Variants in RAP1B observed in about 807,000 individuals in gnomAD.
RAP1B encodes the protein ras-related protein Rap-1b.
In RAP1B, 1 loss-of-function variant was observed where a neutral mutation model predicts 27.5. The observed-to-expected ratio is 0.04, with a 90% CI of 0.01 to 0.17. RAP1B has a LOEUF of 0.17. Among genes scored for constraint, RAP1B ranks in the 10% least tolerant of loss-of-function variants. RAP1B has a pLI of 1.00. For synonymous variants in RAP1B, 75 were observed against 73.1 expected (o/e 1.03, Z -0.13); for missense variants, 84 against 214.8 (o/e 0.39, Z 3.81).
At position 68,660,403 on chromosome 12, in the gene RAP1B, C is replaced by A. The variant is rs922003425; in HGVS notation, c.*1154C>A. 4 of 151,958 alleles carry A rather than the reference C, an allele frequency of 2.6e-5. No homozygotes were observed. Among genetic ancestry groups the A allele is most frequent in the East Asian group, 1.9e-4 (1 of 5,172 alleles). The allele number at this position is 151,958 out of a possible 1,614,324, so 9.4% of individuals were successfully genotyped here. A position where few individuals can be genotyped will look rare whatever the true frequency, so the allele number is the denominator to read the frequency against. On this transcript the variant is annotated 3_prime_UTR_variant, in exon 8 of 8. Transcript: ENST00000250559. ...ATTTAAATTGACCAACCTAATGTTA[C>A]AACTACTTTGAGGTGGCCAAATGTA... is the stretch of plus-strand genomic sequence containing the variant.
In RAP1B at chr12:68,671,357, TGAAAG is replaced by T. The variant is rs1454223598; in HGVS notation, c.*12113_*12117del. ...ACTACTGATATCTACACCAAGGAAA[TGAAAG>T]GAAATGCACAAGATTATTTATTGCC... On this transcript the variant is annotated 3_prime_UTR_variant, in exon 8 of 8. Transcript: ENST00000250559. The T allele has an allele frequency of 6.6e-6, 1 of 151,958 alleles. No individual in the cohort carries two copies. The highest frequency in any genetic ancestry group is 1.5e-5 in the Non-Finnish European group (1 of 67,992). 9.4% of individuals were successfully genotyped at this position (151,958 alleles called of 1,614,324 possible).
intron 1 of RAP1B, among the ~76,000 whole-genome samples, chr12:68,617,774 AT>A (rs557536333): frequency 9.1e-4 from 134 of 147,790 alleles, no homozygotes; most frequent in South Asian, 3.0e-3. Context: ...GTAATGTACT[AT>A]TTTTTTTTTT....
chr12:68,638,721 C>T (rs1392510836), intron 1 of RAP1B, among the ~76,000 whole-genome samples: 2 of 151,940 alleles, frequency 1.3e-5, no homozygotes, highest in Non-Finnish European at 1.5e-5. Context: ...AGTGCAGTGG[C>T]GCAATCTTGG....
In RAP1B at chr12:68,617,305, A is replaced by G. The variant is rs528993099; in HGVS notation, c.-27+6262A>G. The stretch of plus-strand genomic sequence containing the variant: ...AGTTGCAGTTAGAATGTGGAATCCT[A>G]TTACTACATTGTGCCAACATATTTG... On this transcript the variant is annotated intron_variant, in intron 1 of 7. Coordinates refer to ENST00000250559, the MANE Select transcript of RAP1B (RefSeq NM_001010942.3). 1.9e-3 allele frequency among the ~76,000 whole-genome samples: 282 copies of G among 152,300 alleles called. 1 individual carries two copies. Among genetic ancestry groups the G allele is most frequent in the African/African-American group, 6.4e-3 (265 of 41,560 alleles).
At chr12:68,650,376 A>G (rs944195707) in intron 2 of RAP1B, 24 bp from the exon 3 acceptor site, 4 of 1,517,946 alleles carry the variant, frequency 2.6e-6, no homozygotes, top group Non-Finnish European at 3.6e-6. Context: ...TAGAAGTATA[A>G]TGGTTTCTTA....
chr12:68,621,479 GAATT>G (rs780040414), intron 1 of RAP1B: 2 of 152,092 alleles, frequency 1.3e-5, no homozygotes, highest in Non-Finnish European at 2.9e-5. Flanking sequence ...CAGCAAAAAA[GAATT>G]AAGACTAGGT....
rs998953266 is a variant in RAP1B, at chr12:68,670,330, T to C, written c.*11081T>C. 1.3e-5 allele frequency: 2 copies of C among 152,148 alleles called. No homozygotes were observed. Among genetic ancestry groups the C allele is most frequent in the African/African-American group, 2.4e-5 (1 of 41,416 alleles). The allele number at this position is 152,148 out of a possible 1,614,324, so 9.4% of individuals were successfully genotyped here. ...CAATAAAAGTTCAACCCCTATATCATGCAAAAAGCACTTTCCAGATATATT... is the reference window on the plus strand; with the variant it reads ...CAATAAAAGTTCAACCCCTATATCACGCAAAAAGCACTTTCCAGATATATT... On this transcript the variant is annotated 3_prime_UTR_variant, in exon 8 of 8. Coordinates refer to ENST00000250559, the MANE Select transcript of RAP1B (RefSeq NM_001010942.3).
At chr12:68,630,655 G>C (rs1212554988) in intron 1 of RAP1B, among the ~76,000 whole-genome samples, 1 of 151,702 alleles carries the variant, frequency 6.6e-6, no homozygotes, top group Non-Finnish European at 1.5e-5. Context: ...TTGCTTTTTT[G>C]GTTTTGGGGT....
chr12:68,635,831 A>G (rs905907632), intron 1 of RAP1B, among the ~76,000 whole-genome samples: 1 of 151,934 alleles, frequency 6.6e-6, no homozygotes, highest in African/African-American at 2.4e-5. Context: ...TAGTTAAACA[A>G]CTTGAGATTG....
chr12:68,654,048 GA>G, intron 4 of RAP1B, 63 bp from the exon 5 acceptor site: 10 of 1,405,692 alleles, frequency 7.1e-6, no homozygotes, highest in Non-Finnish European at 1.0e-5. Flanking sequence ...TATAGACTGT[GA>G]AAATTGTAAA....
At chr12:68,649,499 C>T (rs1038615874) in intron 2 of RAP1B, 1 of 152,128 alleles carries the variant, frequency 6.6e-6, no homozygotes, top group African/African-American at 2.4e-5. Flanking sequence ...AGAATGAAGA[C>T]ATAACTGGGT....
intron 1 of RAP1B, among the ~76,000 whole-genome samples, chr12:68,630,851 T>C (rs1312678194): frequency 6.6e-6 from 1 of 152,036 alleles, no homozygotes; most frequent in Non-Finnish European, 1.5e-5. Flanking sequence ...TGGCTAATTT[T>C]GTGTATTTTT....
chr12:68,657,913 CTTTT>C (rs1255474702), intron 7 of RAP1B, among the ~76,000 whole-genome samples: 1 of 146,966 alleles, frequency 6.8e-6, no homozygotes, highest in South Asian at 2.1e-4. Flanking sequence ...TCATGTGCCA[CTTTT>C]TTTTTTTTCC....
At chr12:68,633,313 A>G (rs1335431194) in intron 1 of RAP1B, among the ~76,000 whole-genome samples, 4 of 151,950 alleles carry the variant, frequency 2.6e-5, no homozygotes, top group Non-Finnish European at 5.9e-5. Context: ...CTATTCCCTA[A>G]TGATTTATAT....
chr12:68,641,971 T>G (rs968753735), intron 1 of RAP1B, among the ~76,000 whole-genome samples: 1 of 152,208 alleles, frequency 6.6e-6, no homozygotes, highest in Admixed American at 6.5e-5. Flanking sequence ...ATGTAGAAAT[T>G]GCACCTTTTG....
In RAP1B at chr12:68,671,294, T is replaced by A. The variant is rs539926433; in HGVS notation, c.*12045T>A. The A allele has an allele frequency of 6.6e-6, 1 of 152,082 alleles. No homozygotes were observed. Among genetic ancestry groups the A allele is most frequent in the Non-Finnish European group, 1.5e-5 (1 of 68,004 alleles). 9.4% of individuals were successfully genotyped at this position (152,082 alleles called of 1,614,324 possible). A position where few individuals can be genotyped will look rare whatever the true frequency, so the allele number is the denominator to read the frequency against. ...GGAAATGTGCATTGTAGAGCTGATA[T>A]CTGTTCAAATTAAATATGCATATTT... On this transcript the variant is annotated 3_prime_UTR_variant, in exon 8 of 8. Transcript: ENST00000250559.
At chr12:68,631,760 G>C (rs1003871377) in intron 1 of RAP1B, among the ~76,000 whole-genome samples, 5 of 151,758 alleles carry the variant, frequency 3.3e-5, no homozygotes, top group African/African-American at 1.2e-4. Context: ...AACTCCCATA[G>C]TATTTTGTAC....
rs1380874216 is a variant in RAP1B at position 68,671,046 on chromosome 12, AAAG to A, written c.*11798_*11800del. 6.6e-6 allele frequency: 1 copy of A among 151,938 alleles called. No homozygotes were observed. The highest frequency in any genetic ancestry group is 2.4e-5 in the African/African-American group (1 of 41,366). 9.4% of individuals were successfully genotyped at this position (151,938 alleles called of 1,614,324 possible). ...TCCGTTTAAAAAAAAAAAAAAAAAA[AAAG>A]GTAAACTATTCAAAAGATAAATGGT... On this transcript the variant is annotated 3_prime_UTR_variant, in exon 8 of 8. Coordinates refer to ENST00000250559, the MANE Select transcript of RAP1B (RefSeq NM_001010942.3).
At chr12:68,650,356 C>G in intron 2 of RAP1B, 44 bp from the exon 3 acceptor site, 1 of 1,436,502 alleles carries the variant, frequency 7.0e-7, no homozygotes, top group Non-Finnish European at 9.3e-7. Flanking sequence ...ATTGAATGTA[C>G]TCTTTTCTTT....
Sources: gnomAD v4.1 joint callset for allele counts (sites outside exome capture counted in the v4.1 genomes callset) on GRCh38, gnomAD v4.1.1 for gene constraint, MANE v1.5 for transcripts, NCBI Gene and HGNC (gene_info 2026-07-23, HGNC 2026-07-21) for gene names.